Variants in BRSK2 observed in about 807,000 individuals in gnomAD.
The protein encoded by BRSK2 is serine/threonine-protein kinase BRSK2.
A neutral mutation model predicts 83.3 loss-of-function variants in BRSK2; 19 were observed. That is an observed-to-expected ratio of 0.23 (90% CI 0.16 to 0.33). The LOEUF (loss-of-function observed/expected upper bound fraction) is 0.33, where lower values mean the gene tolerates loss of function less well. Ranked by LOEUF, BRSK2 falls within the 10% of genes least tolerant of loss-of-function variation. The pLI is 1.00. For synonymous variants in BRSK2, 519 were observed against 435.4 expected, an observed-to-expected ratio of 1.19 and a Z score of -2.39; for missense variants, 798 against 1,042.3, an observed-to-expected ratio of 0.77 and a Z score of 3.23.
At chr11:1,447,726 G>A (rs903244870) in intron 12 of BRSK2, 53 of 1,440,906 alleles carry the variant, frequency 3.7e-5, no homozygotes, top group Non-Finnish European at 4.7e-5. Flanking sequence ...GGTGTGGCCC[G>A]GGCCCTGGGG....
At position 1,459,256 on chromosome 11, in the gene BRSK2, C is replaced by A; in HGVS notation, c.1987+17C>A. ...CCAAATGTGGTAAGAATCCCCCACG[C>A]TCACCTGGCACCTCCACCTGCCACT... On this transcript the variant is annotated intron_variant, in intron 19 of 19. Transcript: ENST00000528841. 2 of 1,613,134 alleles carry A rather than the reference C, an allele frequency of 1.2e-6. No homozygotes were observed. Among genetic ancestry groups the A allele is most frequent in the Non-Finnish European group, 1.7e-6 (2 of 1,179,506 alleles).
chr11:1,451,025 CTG>C (rs1290534609), intron 14 of BRSK2, among the ~76,000 whole-genome samples: 3 of 152,256 alleles, frequency 2.0e-5, no homozygotes, highest in Non-Finnish European at 4.4e-5. Context: ...TCTACCCACT[CTG>C]TGTCCTGGGG....
At position 1,460,735 on chromosome 11, in the gene BRSK2, C is replaced by A. The variant is rs768916252; in HGVS notation, c.*12C>A. On this transcript the variant is annotated 3_prime_UTR_variant, in exon 20 of 20. Transcript: ENST00000528841. The stretch of plus-strand genomic sequence containing the variant: ...GCGAGCAGCCTTAGACACACTAGCC[C>A]CCCCCCCCAGCACAGCACTGACAGC... 1,799 of 1,389,704 alleles carry A rather than the reference C, an allele frequency of 1.3e-3. 1 individual carries two copies. The highest frequency in any genetic ancestry group is 1.6e-3 in the Non-Finnish European group (1,647 of 1,056,720). The allele number at this position is 1,389,704 out of a possible 1,614,324, so 86.1% of individuals were successfully genotyped here.
chr11:1,443,302 G>GC (rs759503546), intron 6 of BRSK2, 33 bp from the exon 7 acceptor site: 10 of 1,586,188 alleles, frequency 6.3e-6, no homozygotes, highest in Non-Finnish European at 3.4e-6. Context: ...CCTGCCCTGC[G>GC]CCCCCCAACA....
intron 18 of BRSK2, among the ~76,000 whole-genome samples, chr11:1,458,752 G>A (rs879903905): frequency 5.3e-5 from 8 of 152,152 alleles, no homozygotes; most frequent in Non-Finnish European, 1.2e-4. Context: ...TAGGGAAGAG[G>A]GCCGAGGAAG....
intron 18 of BRSK2, among the ~76,000 whole-genome samples, chr11:1,458,906 T>C (rs947200086): frequency 1.3e-5 from 2 of 152,112 alleles, no homozygotes; most frequent in Non-Finnish European, 1.5e-5. Context: ...ACCGGCCATA[T>C]CCAGGCTCAG....
At chr11:1,392,473 C>G (rs1388540556) in intron 1 of BRSK2, among the ~76,000 whole-genome samples, 1 of 152,250 alleles carries the variant, frequency 6.6e-6, no homozygotes, top group Non-Finnish European at 1.5e-5. Flanking sequence ...GTTCATCTCT[C>G]TCAGCCTGAG....
At chr11:1,455,107 C>T (rs924452518) in intron 16 of BRSK2, among the ~76,000 whole-genome samples, 4 of 152,262 alleles carry the variant, frequency 2.6e-5, no homozygotes, top group South Asian at 4.1e-4. Context: ...ACAGAGTGGT[C>T]GCGCTCGGGG....
At chr11:1,448,145 C>T (rs1260427138) in intron 12 of BRSK2, among the ~76,000 whole-genome samples, 5 of 152,194 alleles carry the variant, frequency 3.3e-5, no homozygotes, top group Non-Finnish European at 7.4e-5. Context: ...CGAGCCGCTC[C>T]TCCTGCCAGC....
Position 1,461,067 on chromosome 11 carries a change from G to A in BRSK2, c.*344G>A, listed in dbSNP as rs1847444255. ...CCGCCCTCCCTCCGCTCCTGCTGTT[G>A]CTGCCGGGCAGTGAGGCCCAGCCCA... On this transcript the variant is annotated 3_prime_UTR_variant, in exon 20 of 20. Transcript: ENST00000528841. 5.0e-6 allele frequency: 8 copies of A among 1,594,630 alleles called. No individual in the cohort carries two copies. The highest frequency in any genetic ancestry group is 1.1e-5 in the South Asian group (1 of 89,576).
chr11:1,440,212 C>T (rs1218451872), intron 3 of BRSK2, among the ~76,000 whole-genome samples: 2 of 152,170 alleles, frequency 1.3e-5, no homozygotes, highest in African/African-American at 4.8e-5. Flanking sequence ...GTGGCTGAGA[C>T]CCCACGGGGG....
intron 1 of BRSK2, among the ~76,000 whole-genome samples, chr11:1,417,673 G>A (rs535753946): frequency 7.8e-5 from 11 of 140,534 alleles, no homozygotes; most frequent in African/African-American, 3.0e-4. Context: ...GGGTCACACT[G>A]TGTCCTGCTT....
Position 1,461,136 on chromosome 11 carries a change from C to A in BRSK2, c.*413C>A, listed in dbSNP as rs908114746. The A allele has an allele frequency of 2.7e-5, 33 of 1,244,170 alleles. No homozygotes were observed. Among genetic ancestry groups the A allele is most frequent in the Non-Finnish European group, 1.9e-5 (17 of 906,288 alleles). The allele number at this position is 1,244,170 out of a possible 1,614,324, so 77.1% of individuals were successfully genotyped here. ...GGCAGCTCCTCGCCTCAGCTCCGCA[C>A]GGCCCGTGGGAGGAAGGCCAGGCTC... On this transcript the variant is annotated 3_prime_UTR_variant, in exon 20 of 20. Transcript: ENST00000528841.
chr11:1,448,811 G>A (rs969247534), intron 12 of BRSK2, among the ~76,000 whole-genome samples: 23 of 152,242 alleles, frequency 1.5e-4, no homozygotes, highest in African/African-American at 5.3e-4. Flanking sequence ...GGTCGTCACC[G>A]TGGGGACCAG....
At chr11:1,436,981 C>G (rs968351893) in intron 2 of BRSK2, among the ~76,000 whole-genome samples, 1 of 144,470 alleles carries the variant, frequency 6.9e-6, no homozygotes, top group Non-Finnish European at 1.5e-5. Flanking sequence ...CTGGGGAGGC[C>G]TGGGGACCCT....
At chr11:1,414,437 A>C (rs894068488) in intron 1 of BRSK2, among the ~76,000 whole-genome samples, 41 of 152,304 alleles carry the variant, frequency 2.7e-4, no homozygotes, top group Admixed American at 2.5e-3. Context: ...TATGTGTGGA[A>C]TGCGGTGTTC....
chr11:1,425,901 C>T (rs532640086), intron 1 of BRSK2, among the ~76,000 whole-genome samples: 12 of 152,238 alleles, frequency 7.9e-5, no homozygotes, highest in Middle Eastern at 6.8e-3. Flanking sequence ...CCTGGGTACA[C>T]CTGCCCCGGG....
chr11:1,406,747 G>A (rs115819651), intron 1 of BRSK2, among the ~76,000 whole-genome samples: 3,586 of 152,294 alleles, frequency 0.024, 93 homozygotes, highest in African/African-American at 0.069. Flanking sequence ...TGGGCCTGTC[G>A]CTGGGCCACA....
At chr11:1,442,269 G>A (rs1273284204) in intron 4 of BRSK2, among the ~76,000 whole-genome samples, 2 of 152,092 alleles carry the variant, frequency 1.3e-5, no homozygotes, top group Non-Finnish European at 2.9e-5. Flanking sequence ...AGGAGGGCAT[G>A]GCAGGAGAAA....
Sources: allele counts gnomAD v4.1 joint callset (sites outside exome capture counted in the v4.1 genomes callset), GRCh38; gene constraint gnomAD v4.1.1; transcripts MANE v1.5; gene names NCBI Gene and HGNC (gene_info 2026-07-23, HGNC 2026-07-21).